GCNT1: variants seen among roughly 807,000 people sequenced by gnomAD.
GCNT1 encodes glucosaminyl (N-acetyl) transferase 1, also known as beta-1,3-galactosyl-O-glycosyl-glycoprotein beta-1,6-N-acetylglucosaminyltransferase.
A neutral mutation model predicts 26.2 loss-of-function variants in GCNT1; 16 were observed. The observed-to-expected ratio is 0.61, with a 90% CI of 0.41 to 0.93. GCNT1 has a LOEUF of 0.93. Ranked by LOEUF, GCNT1 falls within the 40% of genes least tolerant of loss-of-function variation. The pLI is 0.00. For missense variants in GCNT1, 477 were observed against 526.7 expected, an observed-to-expected ratio of 0.91 and a Z score of 0.92; for synonymous variants, 183 against 190.8, an observed-to-expected ratio of 0.96 and a Z score of 0.34.
At chr9:76,425,369 A>G (rs4745545) in intron 1 of GCNT1, among the ~76,000 whole-genome samples, 1 of 151,100 alleles carries the variant, frequency 6.6e-6, no homozygotes, top group South Asian at 2.1e-4. Flanking sequence ...ATTAAAGGTG[A>G]CCGCCAACAC....
At chr9:76,396,725 C>G in the GCNT1 span, among the ~76,000 whole-genome samples, 4 of 152,248 alleles carry the variant, frequency 2.6e-5, no homozygotes, top group South Asian at 2.1e-4. Flanking sequence ...ACCTGTGGTC[C>G]TAGATACCCT....
chr9:76,420,926 A>C (rs1823181602), intron 1 of GCNT1, among the ~76,000 whole-genome samples: 3 of 146,940 alleles, frequency 2.0e-5, no homozygotes, highest in African/African-American at 7.6e-5. Flanking sequence ...GTGACAGAAC[A>C]AGACCCTATC....
chr9:76,400,778 T>G, the GCNT1 span, among the ~76,000 whole-genome samples: 7 of 152,192 alleles, frequency 4.6e-5, no homozygotes, highest in Non-Finnish European at 7.4e-5. Context: ...AGCTGGAGCC[T>G]TGGGGCATGT....
chr9:76,474,649 G>A (rs1039328940), intron 2 of GCNT1, among the ~76,000 whole-genome samples: 6 of 152,206 alleles, frequency 3.9e-5, no homozygotes, highest in African/African-American at 9.6e-5. Context: ...GAACGTGAAC[G>A]CAGAGGATGT....
intron 1 of GCNT1, among the ~76,000 whole-genome samples, chr9:76,453,655 C>T (rs557137629): frequency 2.0e-5 from 3 of 152,132 alleles, no homozygotes; most frequent in Admixed American, 1.3e-4. Context: ...ATCCCCAGGT[C>T]GAGGAGCTGA....
the GCNT1 span, among the ~76,000 whole-genome samples, chr9:76,397,250 C>G: frequency 2.0e-5 from 3 of 151,878 alleles, no homozygotes; most frequent in East Asian, 5.8e-4. Context: ...CCATTGTACT[C>G]CAGCCTGAGT....
intron 2 of GCNT1, among the ~76,000 whole-genome samples, chr9:76,479,844 AGCTCT>A (rs1035319681): frequency 3.9e-4 from 60 of 152,216 alleles, no homozygotes; most frequent in African/African-American, 1.4e-3. Context: ...GCTGTGCAGA[AGCTCT>A]TTAGTTTAAT....
At chr9:76,467,946 G>A (rs1486486257) in intron 2 of GCNT1, among the ~76,000 whole-genome samples, 1 of 110,698 alleles carries the variant, frequency 9.0e-6, no homozygotes, top group Admixed American at 1.4e-4. Context: ...TTGCTCTGTC[G>A]CCCAGGCTGG....
At chr9:76,482,725 G>T (rs1379269740) in intron 2 of GCNT1, among the ~76,000 whole-genome samples, 2 of 151,698 alleles carry the variant, frequency 1.3e-5, no homozygotes, top group Non-Finnish European at 2.9e-5. Flanking sequence ...GCTCATTGCA[G>T]CCTCAATCTC....
intron 2 of GCNT1, among the ~76,000 whole-genome samples, chr9:76,484,913 A>G (rs1198680328): frequency 6.8e-6 from 1 of 148,128 alleles, no homozygotes; most frequent in Non-Finnish European, 1.5e-5. Context: ...CTCAGCCTCC[A>G]GAGTAGCTGG....
intron 1 of GCNT1, among the ~76,000 whole-genome samples, chr9:76,447,784 T>TA (rs975354779): frequency 1.3e-4 from 20 of 152,152 alleles, no homozygotes; most frequent in South Asian, 4.1e-4. Flanking sequence ...TGCTCAGCTT[T>TA]AAAAAAACTC....
At chr9:76,491,835 C>T (rs553806) in intron 2 of GCNT1, among the ~76,000 whole-genome samples, 67,607 of 151,856 alleles carry the variant, frequency 0.45, 15,358 homozygotes, top group East Asian at 0.66. Flanking sequence ...TTTGAAGCAC[C>T]GGTCCCTCAA....
chr9:76,411,894 G>A, the GCNT1 span, among the ~76,000 whole-genome samples: 2 of 151,416 alleles, frequency 1.3e-5, no homozygotes, highest in East Asian at 2.0e-4. Context: ...TAGAGACAAG[G>A]TTTCACCATG....
upstream of GCNT1, chr9:76,441,520 G>T (rs1343037174): frequency 1.3e-5 from 2 of 152,172 alleles, no homozygotes; most frequent in Non-Finnish European, 2.9e-5. Context: ...CAGACTAGAT[G>T]ATGTACAAAA....
intron 1 of GCNT1, among the ~76,000 whole-genome samples, chr9:76,452,711 A>G (rs1823691611): frequency 6.6e-6 from 1 of 152,192 alleles, no homozygotes; most frequent in African/African-American, 2.4e-5. Context: ...AACCGCCTCC[A>G]GGATTCAATC....
intron 2 of GCNT1, among the ~76,000 whole-genome samples, chr9:76,497,901 CAA>C (rs10584317): frequency 0.071 from 10,811 of 152,082 alleles, 1,211 homozygotes; most frequent in African/African-American, 0.25. Flanking sequence ...TTAAAGTAAA[CAA>C]TATGTTCACA....
chr9:76,471,535 TAGAC>T (rs1587432940), intron 2 of GCNT1, among the ~76,000 whole-genome samples: 1 of 152,160 alleles, frequency 6.6e-6, no homozygotes, highest in Non-Finnish European at 1.5e-5. Context: ...AAGTCAGAAA[TAGAC>T]AGCCCACCAA....
chr9:76,499,839 A>G (rs1208098071), intron 2 of GCNT1, among the ~76,000 whole-genome samples: 1 of 152,270 alleles, frequency 6.6e-6, no homozygotes, highest in East Asian at 1.9e-4. Context: ...AATTATTGAT[A>G]CATTATTTTT....
chr9:76,428,302 A>AAAAAAAAAAAAAAAAAAAAG (rs1222053703), intron 1 of GCNT1, among the ~76,000 whole-genome samples: 26 of 149,422 alleles, frequency 1.7e-4, no homozygotes, highest in African/African-American at 3.5e-4. Flanking sequence ...TAAAAAAAAA[A>AAAAAAAAAAAAAAAAAAAAG]AGAGAGAGAG....
Sources: allele counts gnomAD v4.1 joint callset (sites outside exome capture counted in the v4.1 genomes callset), GRCh38; gene constraint gnomAD v4.1.1; transcripts MANE v1.5; gene names NCBI Gene and HGNC (gene_info 2026-07-23, HGNC 2026-07-21).